The following SCHIP1 variants were observed in gnomAD, a reference collection of about 807,000 sequenced individuals.
SCHIP1 encodes schwannomin-interacting protein 1.
SCHIP1 carries 8 observed loss-of-function variants against 29.7 expected under a neutral mutation model. The observed-to-expected ratio is 0.27, with a 90% CI of 0.16 to 0.49. The LOEUF (loss-of-function observed/expected upper bound fraction) is 0.49, where lower values mean the gene tolerates loss of function less well. Ranked by LOEUF, SCHIP1 falls within the 20% of genes least tolerant of loss-of-function variation. The probability of loss-of-function intolerance (pLI) is 0.99; values close to 1 mark genes in which losing one functional copy is unlikely to be tolerated. For synonymous variants in SCHIP1, 76 were observed against 94.9 expected, an observed-to-expected ratio of 0.80 and a Z score of 1.16; for missense variants, 193 against 294.6, an observed-to-expected ratio of 0.66 and a Z score of 2.52.
At chr3:159,579,030 T>C in the SCHIP1 span, among the ~76,000 whole-genome samples, 1 of 152,206 alleles carries the variant, frequency 6.6e-6, no homozygotes, top group Admixed American at 6.6e-5. Flanking sequence ...AATTCATCCA[T>C]TTTGCATTAT....
chr3:159,490,955 C>A, the SCHIP1 span, among the ~76,000 whole-genome samples: 2,382 of 152,256 alleles, frequency 0.016, 72 homozygotes, highest in African/African-American at 0.055. Flanking sequence ...GCTTGAGTTT[C>A]ACCTTTAAAG....
the SCHIP1 span, among the ~76,000 whole-genome samples, chr3:159,603,701 T>TA: frequency 6.6e-6 from 1 of 152,320 alleles, no homozygotes; most frequent in East Asian, 1.9e-4. Context: ...CCAATACCTA[T>TA]AGTCTTAAGT....
chr3:159,510,302 A>G, the SCHIP1 span, among the ~76,000 whole-genome samples: 1 of 152,104 alleles, frequency 6.6e-6, no homozygotes, highest in Non-Finnish European at 1.5e-5. Context: ...TTCTCGTGCC[A>G]TGGTTTTCAG....
the SCHIP1 span, among the ~76,000 whole-genome samples, chr3:159,370,811 C>T: frequency 2.4e-3 from 358 of 152,220 alleles, 1 homozygote; most frequent in African/African-American, 7.9e-3. Context: ...CTATCTTGTC[C>T]TCCCACCTCC....
At chr3:159,787,936 A>G in the SCHIP1 span, among the ~76,000 whole-genome samples, 2 of 152,138 alleles carry the variant, frequency 1.3e-5, no homozygotes, top group African/African-American at 4.8e-5. Flanking sequence ...AAGAAATGTG[A>G]TTGAGGTTTA....
chr3:159,741,367 A>G, the SCHIP1 span, among the ~76,000 whole-genome samples: 1 of 152,128 alleles, frequency 6.6e-6, no homozygotes, highest in Non-Finnish European at 1.5e-5. Flanking sequence ...AGTTTCTAAT[A>G]CCCCGTGTCT....
the SCHIP1 span, among the ~76,000 whole-genome samples, chr3:159,472,407 G>A: frequency 2.6e-5 from 4 of 152,120 alleles, no homozygotes; most frequent in African/African-American, 9.7e-5. Context: ...AGGAATTTGA[G>A]CTACAGAGAG....
chr3:159,390,074 T>C, the SCHIP1 span, among the ~76,000 whole-genome samples: 2 of 152,076 alleles, frequency 1.3e-5, no homozygotes, highest in African/African-American at 4.8e-5. Context: ...ATATAAAATG[T>C]TTGTTCTTCA....
At chr3:159,681,701 C>G in the SCHIP1 span, among the ~76,000 whole-genome samples, 1 of 152,192 alleles carries the variant, frequency 6.6e-6, no homozygotes, top group African/African-American at 2.4e-5. Flanking sequence ...GGCTATTTCC[C>G]TCAACTTTTC....
At chr3:159,589,070 C>T in the SCHIP1 span, among the ~76,000 whole-genome samples, 1 of 152,098 alleles carries the variant, frequency 6.6e-6, no homozygotes, top group Non-Finnish European at 1.5e-5. Flanking sequence ...GGCCATTTTT[C>T]ACAACATTGA....
intron 6 of SCHIP1, among the ~76,000 whole-genome samples, chr3:159,896,459 C>G (rs571355420): frequency 6.6e-6 from 1 of 152,266 alleles, no homozygotes; most frequent in South Asian, 2.1e-4. Context: ...TCAAACAGAA[C>G]TTTTCTTCTT....
At chr3:159,316,718 A>T in the SCHIP1 span, among the ~76,000 whole-genome samples, 1 of 152,214 alleles carries the variant, frequency 6.6e-6, no homozygotes, top group Admixed American at 6.5e-5. Flanking sequence ...AAATGCATCA[A>T]TCCCAAACCC....
At chr3:159,388,193 C>CTGGAATATCTAAGACTATCAACT in the SCHIP1 span, among the ~76,000 whole-genome samples, 14 of 151,916 alleles carry the variant, frequency 9.2e-5, no homozygotes, top group Non-Finnish European at 1.9e-4. Context: ...GAAACTCTAC[C>CTGGAATATCTAAGACTATCAACT]TGGAATATCT....
At chr3:159,516,694 C>CT in the SCHIP1 span, among the ~76,000 whole-genome samples, 1 of 152,132 alleles carries the variant, frequency 6.6e-6, no homozygotes, top group Non-Finnish European at 1.5e-5. Context: ...CCTCTACAGT[C>CT]TGACACGAAT....
the SCHIP1 span, among the ~76,000 whole-genome samples, chr3:159,602,787 G>A: frequency 6.6e-6 from 1 of 151,664 alleles, no homozygotes; most frequent in African/African-American, 2.4e-5. Flanking sequence ...GAATAAACAA[G>A]CCAAAATTAT....
At chr3:159,689,839 G>T in the SCHIP1 span, among the ~76,000 whole-genome samples, 1 of 152,170 alleles carries the variant, frequency 6.6e-6, no homozygotes, top group Non-Finnish European at 1.5e-5. Flanking sequence ...GGCCTTTTCT[G>T]CATCTATTGA....
the SCHIP1 span, among the ~76,000 whole-genome samples, chr3:159,493,727 G>T: frequency 9.9e-5 from 15 of 151,918 alleles, no homozygotes; most frequent in African/African-American, 3.6e-4. Flanking sequence ...TCCAGGAATT[G>T]AACTCAGCTC....
chr3:159,838,724 A>C (rs1042921944), upstream of SCHIP1, among the ~76,000 whole-genome samples: 1 of 146,044 alleles, frequency 6.8e-6, no homozygotes, highest in Non-Finnish European at 1.5e-5. Flanking sequence ...CCCCGTCTCT[A>C]CCAAAAAAAA....
At chr3:159,739,342 G>C in the SCHIP1 span, among the ~76,000 whole-genome samples, 1 of 152,234 alleles carries the variant, frequency 6.6e-6, no homozygotes, top group Non-Finnish European at 1.5e-5. Context: ...ACTGAGTGGA[G>C]AGTAAATTGT....
Sources: gnomAD v4.1 joint callset for allele counts (sites outside exome capture counted in the v4.1 genomes callset) on GRCh38, gnomAD v4.1.1 for gene constraint, MANE v1.5 for transcripts, NCBI Gene and HGNC (gene_info 2026-07-23, HGNC 2026-07-21) for gene names.